The following POLN variants were observed in gnomAD, a reference collection of about 807,000 sequenced individuals.
The protein encoded by POLN is DNA polymerase nu, also known as DNA polymerase N.
In POLN, 108 loss-of-function variants were observed where a neutral mutation model predicts 113.5. The observed-to-expected ratio is 0.95, with a 90% CI of 0.81 to 1.12. The LOEUF is 1.12. Among genes scored for constraint, POLN ranks in the 50% most tolerant of loss-of-function variants. POLN has a pLI of 0.00. For missense variants in POLN, 1,097 were observed against 1,077.1 expected, an observed-to-expected ratio of 1.02 and a Z score of -0.26; for synonymous variants, 386 against 391.5, an observed-to-expected ratio of 0.99 and a Z score of 0.17.
chr4:2,240,964 T>C (rs1333760213), intron 2 of POLN: 2 of 1,565,668 alleles, frequency 1.3e-6, no homozygotes, highest in Non-Finnish European at 1.7e-6. Flanking sequence ...ACTACCCCAA[T>C]TTTGTTGTAT....
intron 13 of POLN, among the ~76,000 whole-genome samples, chr4:2,168,109 C>T (rs1028184031): frequency 6.6e-6 from 1 of 152,094 alleles, no homozygotes; most frequent in African/African-American, 2.4e-5. Context: ...TCCACTATGT[C>T]CCAGGCATTG....
intron 4 of POLN, among the ~76,000 whole-genome samples, chr4:2,211,560 G>C (rs1239115495): frequency 3.3e-5 from 5 of 152,040 alleles, no homozygotes; most frequent in African/African-American, 1.2e-4. Flanking sequence ...AGGATCGCTT[G>C]AGCCCAGGAG....
intron 3 of POLN, chr4:2,228,826 C>T (rs1734476009): frequency 3.2e-6 from 1 of 310,756 alleles, no homozygotes; most frequent in Non-Finnish European, 5.9e-6. Flanking sequence ...TAAAGCATCT[C>T]TTTTGAAAAT....
intron 11 of POLN, 71 bp downstream of exon 11, chr4:2,173,884 C>T: frequency 7.1e-7 from 1 of 1,408,206 alleles, no homozygotes; most frequent in East Asian, 2.3e-5. Flanking sequence ...TACTCTAGAC[C>T]TGCCACTGGG....
At position 2,207,994 on chromosome 4, in the gene POLN, G is replaced by C; in HGVS notation, c.707C>G (p.Ala236Gly). The change falls in exon 5 of 26, where the codon GCT (alanine) becomes GGT (glycine). Residue 236 changes from alanine (A) to glycine (G), a missense_variant. By Grantham distance (60) the Ala-to-Gly change is moderately conservative. Coordinates refer to ENST00000511885, the MANE Select transcript of POLN (RefSeq NM_181808.4). ...MYTDGSTQLGADQTPVSSVRG... is the reference protein window; with the variant it reads ...MYTDGSTQLGGDQTPVSSVRG... ...ACATCACTGTTTACTAACCTGGTCAGCTCCTAGCTGGGTGGAACCATCAGT... is the reference window on the plus strand; with the variant it reads ...ACATCACTGTTTACTAACCTGGTCACCTCCTAGCTGGGTGGAACCATCAGT... 6.2e-7 allele frequency: 1 copy of C among 1,602,714 alleles called. No individual in the cohort carries two copies.
At chr4:2,235,084 C>G (rs1396471260) in intron 2 of POLN, among the ~76,000 whole-genome samples, 1 of 152,190 alleles carries the variant, frequency 6.6e-6, no homozygotes, top group Non-Finnish European at 1.5e-5. Flanking sequence ...TGGGGTTTCA[C>G]CACCTTGGCC....
intron 8 of POLN, among the ~76,000 whole-genome samples, chr4:2,177,444 G>A (rs865967578): frequency 6.6e-6 from 1 of 152,204 alleles, no homozygotes; most frequent in South Asian, 2.1e-4. Context: ...TGTAACCTGT[G>A]ATCTGTAGAT....
chr4:2,072,286 A>G lies in POLN; in HGVS notation c.2531T>C (p.Val844Ala). ...LELQLQVPLK[V>A]SLSAGRSWGH... ...CCATGAGCGGCCGGCACTCAGGCTC[A>G]CCTTGAGGGGTACCTGCAGGTGGCA... is the stretch of plus-strand genomic sequence containing the variant. The change falls in exon 26 of 26, where the codon GTG becomes GCG. Residue 844 changes from valine to alanine, a missense_variant. Physicochemically the swap from Val to Ala is moderately conservative, Grantham distance 64. Transcript: ENST00000511885. 6.3e-7 allele frequency: 1 copy of G among 1,576,896 alleles called. No homozygotes were observed. Among genetic ancestry groups the G allele is most frequent in the Non-Finnish European group, 8.6e-7 (1 of 1,163,134 alleles).
rs1731620929 is a variant in POLN at position 2,127,780 on chromosome 4, C to T, written c.1982+333G>A. On this transcript the variant is annotated intron_variant, in intron 19 of 25. Coordinates refer to ENST00000511885, the MANE Select transcript of POLN (RefSeq NM_181808.4). This position sits in a 1 kb window ranked among gnomAD's most constrained non-coding sequence, Gnocchi z 4.7. The stretch of plus-strand genomic sequence containing the variant: ...GTACGCAGCAAGCACCTTGGCTCTC[C>T]TCGGAGGGCAGTGGCTCACAGCCAG... Among the ~76,000 whole-genome samples, 1 of 152,234 alleles carries T rather than the reference C, an allele frequency of 6.6e-6. No homozygotes were observed. The highest frequency in any genetic ancestry group is 6.5e-5 in the Admixed American group (1 of 15,284).
chr4:2,155,158 A>G (rs1465042729), intron 16 of POLN, among the ~76,000 whole-genome samples: 1 of 152,270 alleles, frequency 6.6e-6, no homozygotes, highest in Non-Finnish European at 1.5e-5. Context: ...GATAAGAAGT[A>G]TCAACTAAGA....
chr4:2,157,955 G>A (rs1026888844), intron 14 of POLN, 44 bp from the exon 15 acceptor site: 2 of 1,495,970 alleles, frequency 1.3e-6, no homozygotes, highest in Non-Finnish European at 1.8e-6. Context: ...TAAGTCTTAA[G>A]TCTTTTTTTG....
At chr4:2,158,987 G>A (rs1049221384) in intron 14 of POLN, among the ~76,000 whole-genome samples, 168 bp downstream of exon 14, 2 of 152,086 alleles carry the variant, frequency 1.3e-5, no homozygotes, top group African/African-American at 4.8e-5. Context: ...AAAATCACAT[G>A]GGGTACAAGT....
intron 9 of POLN, among the ~76,000 whole-genome samples, chr4:2,175,596 A>C (rs1025423590): frequency 6.6e-6 from 1 of 152,110 alleles, no homozygotes; most frequent in Non-Finnish European, 1.5e-5. Context: ...TGTGTTCTTC[A>C]TGAGTCTCAT....
At chr4:2,184,425 G>C (rs959428076) in intron 7 of POLN, among the ~76,000 whole-genome samples, 1 of 152,060 alleles carries the variant, frequency 6.6e-6, no homozygotes, top group African/African-American at 2.4e-5. Context: ...ATGTAAACCA[G>C]TGATCTTATA....
intron 5 of POLN, among the ~76,000 whole-genome samples, chr4:2,203,578 T>G (rs1429401534): frequency 8.6e-6 from 1 of 116,240 alleles, no homozygotes; most frequent in Non-Finnish European, 1.8e-5. Context: ...AGACTCTGTC[T>G]AAAAAAAAAA....
Position 2,091,239 on chromosome 4 carries a change from C to G in POLN, c.2065+4612G>C, listed in dbSNP as rs755907697. ...GACTTGGCCATAACCAGAAGTCATG[C>G]CTTGCTTTCTAAATACTTATGGCCA... On this transcript the variant is annotated intron_variant, in intron 20 of 25. Transcript: ENST00000511885. 3.0e-4 allele frequency among the ~76,000 whole-genome samples: 45 copies of G among 152,330 alleles called. 1 individual carries two copies. The highest frequency in any genetic ancestry group is 4.9e-4 in the Non-Finnish European group (33 of 68,026).
chr4:2,221,093 G>C (rs1163121722), intron 3 of POLN, among the ~76,000 whole-genome samples: 1 of 151,956 alleles, frequency 6.6e-6, no homozygotes, highest in African/African-American at 2.4e-5. Flanking sequence ...CATTTCTGCA[G>C]GTCTCAGAGG....
chr4:2,116,613 A>C (rs934923913), intron 19 of POLN, among the ~76,000 whole-genome samples: 1 of 151,808 alleles, frequency 6.6e-6, no homozygotes, highest in Non-Finnish European at 1.5e-5. Flanking sequence ...TAGGGTGTGC[A>C]TACAGAGAAA....
At chr4:2,184,350 T>A (rs752864499) in intron 7 of POLN, among the ~76,000 whole-genome samples, 10 of 151,748 alleles carry the variant, frequency 6.6e-5, no homozygotes, top group Non-Finnish European at 1.3e-4. Context: ...TTCACCACAC[T>A]TTCTGAAAGC....
Sources: gnomAD v4.1 joint callset for allele counts (sites outside exome capture counted in the v4.1 genomes callset) on GRCh38, gnomAD v4.1.1 for gene constraint, Gnocchi (gnomAD v3.1) non-coding constraint, MANE v1.5 for transcripts, NCBI Gene and HGNC (gene_info 2026-07-23, HGNC 2026-07-21) for gene names.